HEXA: variants seen among roughly 807,000 people sequenced by gnomAD.
HEXA encodes hexosaminidase subunit alpha.
HEXA carries 54 observed loss-of-function variants against 73.3 expected under a neutral mutation model. The observed-to-expected ratio is 0.74, with a 90% CI of 0.59 to 0.92. The LOEUF (loss-of-function observed/expected upper bound fraction) is 0.92. HEXA is among the 40% of genes least tolerant of loss of function. The pLI is 0.00. For synonymous variants in HEXA, 230 were observed against 246.9 expected (o/e 0.93, Z 0.64); for missense variants, 649 against 653.0 (o/e 0.99, Z 0.07).
In HEXA at chr15:72,341,730, G is replaced by A. The variant is rs2088556813; in HGVS notation, c.*2347C>T. ...GGAACAGACTGGGTGGTAACTGCAG[G>A]CCACTGCAGTTGACCTGTTGGCATT... On this transcript the variant is annotated 3_prime_UTR_variant, in exon 14 of 14. Transcript: ENST00000268097. 6.6e-6 allele frequency: 1 copy of A among 152,136 alleles called. No homozygotes were observed. The highest frequency in any genetic ancestry group is 2.1e-4 in the South Asian group (1 of 4,832). 9.4% of individuals were successfully genotyped at this position (152,136 alleles called of 1,614,324 possible).
Position 72,366,938 on chromosome 15 carries a change from GT to G in HEXA, c.253+8781del, listed in dbSNP as rs575978880. On this transcript the variant is annotated intron_variant, in intron 1 of 13. Transcript: ENST00000268097. ...TACCTCTCAACCTCTTAATTTCACT[GT>G]TTTTTTTTTGTTTTGTTTTTTGAGA... Among the ~76,000 whole-genome samples, 18 of 147,498 alleles carry G rather than the reference GT, an allele frequency of 1.2e-4. No individual in the cohort carries two copies. In the East Asian group the frequency reaches 2.4e-3, roughly 19 times the overall value.
At position 72,356,470 on chromosome 15, in the gene HEXA, T is replaced by C. The variant is rs1381786408; in HGVS notation, c.346+55A>G. On this transcript the variant is annotated intron_variant, in intron 2 of 13. Coordinates refer to ENST00000268097, the MANE Select transcript of HEXA (RefSeq NM_000520.6). Reference sequence around the variant, plus strand: ...CAGTTTAGGCCAGGCCATCCAGAGTTACAGCTTCAGACAAGTGTTTGCTCT... The same window carrying C: ...CAGTTTAGGCCAGGCCATCCAGAGTCACAGCTTCAGACAAGTGTTTGCTCT... 2.5e-6 allele frequency: 4 copies of C among 1,601,646 alleles called. No homozygotes were observed. The African/African-American group carries it at 5.4e-5, about 21-fold the overall frequency.
chr15:72,347,334 A>C (rs191809305), intron 10 of HEXA, among the ~76,000 whole-genome samples: 32 of 150,996 alleles, frequency 2.1e-4, no homozygotes, highest in East Asian at 2.0e-3. Flanking sequence ...GTGCAGAGGC[A>C]CATCTTGGCT....
intron 1 of HEXA, among the ~76,000 whole-genome samples, chr15:72,369,466 T>C (rs1463826867): frequency 1.3e-5 from 2 of 152,190 alleles, no homozygotes; most frequent in Admixed American, 6.5e-5. Flanking sequence ...TCAGGACCAG[T>C]AGAAGAAATT....
intron 9 of HEXA, 60 bp downstream of exon 9, chr15:72,347,988 A>G (rs2088640186): frequency 8.2e-7 from 1 of 1,216,684 alleles, no homozygotes; most frequent in Non-Finnish European, 1.2e-6. Context: ...TCGGTATGGA[A>G]AGGGAGGACC....
Position 72,344,024 on chromosome 15 carries a change from C to T in HEXA, c.*53G>A. ...TCCCCTGGCCAGGATGCAGTGGAAG[C>T]CTGGCTCCACTACCATTCACCTACA... On this transcript the variant is annotated 3_prime_UTR_variant, in exon 14 of 14. Coordinates refer to ENST00000268097, the MANE Select transcript of HEXA (RefSeq NM_000520.6). 6.1e-6 allele frequency: 9 copies of T among 1,482,742 alleles called. No individual in the cohort carries two copies. The highest frequency in any genetic ancestry group is 8.5e-6 in the Non-Finnish European group (9 of 1,061,410). 91.8% of individuals were successfully genotyped at this position (1,482,742 alleles called of 1,614,324 possible). A position where few individuals can be genotyped will look rare whatever the true frequency, so the allele number is the denominator to read the frequency against.
At chr15:72,370,043 A>T (rs1444432388) in intron 1 of HEXA, 1 of 151,558 alleles carries the variant, frequency 6.6e-6, no homozygotes, top group Non-Finnish European at 1.5e-5. Flanking sequence ...CTGAAAAAAC[A>T]TTCATAACTA....
chr15:72,354,266 G>C (rs1181847495), intron 3 of HEXA: 1 of 165,942 alleles, frequency 6.0e-6, no homozygotes, highest in Non-Finnish European at 1.3e-5. Context: ...TTCCTCTTCA[G>C]AGTCTAAGAA....
At chr15:72,349,411 A>C (rs758983593) in intron 7 of HEXA, 152 bp from the exon 8 acceptor site, 21 of 704,172 alleles carry the variant, frequency 3.0e-5, no homozygotes, top group Non-Finnish European at 5.4e-5. Flanking sequence ...ACTCACAGAC[A>C]CTGGTAGTCA....
chr15:72,354,646 G>A (rs2088748683), intron 3 of HEXA: 1 of 152,346 alleles, frequency 6.6e-6, no homozygotes. Context: ...GCACCTGCAT[G>A]AAAGGTACAA....
At chr15:72,375,374 G>A (rs1260093835) in intron 1 of HEXA, among the ~76,000 whole-genome samples, 1 of 152,128 alleles carries the variant, frequency 6.6e-6, no homozygotes, top group Middle Eastern at 3.2e-3. Flanking sequence ...ATGTAACTTT[G>A]CATAGTTCTT....
In HEXA at chr15:72,343,990, G is replaced by C. The variant is rs2088578964; in HGVS notation, c.*87C>G. ...ACGCAGGCAAGGGGCACGAAGGCAA[G>C]GGGCTCCGTCCCCTGGCCAGGATGC... On this transcript the variant is annotated 3_prime_UTR_variant, in exon 14 of 14. Coordinates refer to ENST00000268097, the MANE Select transcript of HEXA (RefSeq NM_000520.6). The C allele has an allele frequency of 1.7e-6, 2 of 1,170,348 alleles. No homozygotes were observed. Among genetic ancestry groups the C allele is most frequent in the South Asian group, 1.2e-5 (1 of 81,388 alleles). 72.5% of individuals were successfully genotyped at this position (1,170,348 alleles called of 1,614,324 possible).
At chr15:72,350,458 C>T (rs2088679640) in intron 7 of HEXA, 60 bp downstream of exon 7, 3 of 1,587,618 alleles carry the variant, frequency 1.9e-6, no homozygotes, top group Non-Finnish European at 1.7e-6. Flanking sequence ...AGCCAGTGCC[C>T]TGAAGCTTCA....
At chr15:72,349,691 T>G (rs1313314190) in intron 7 of HEXA, among the ~76,000 whole-genome samples, 1 of 152,238 alleles carries the variant, frequency 6.6e-6, no homozygotes, top group Non-Finnish European at 1.5e-5. Flanking sequence ...TGCTAAGGGA[T>G]ATCTCCCTTG....
rs2140316788 is a variant in HEXA, at chr15:72,340,984, CAAAG to C, written c.*3089_*3092del. The C allele has an allele frequency of 6.6e-6, 1 of 151,810 alleles. No homozygotes were observed. Among genetic ancestry groups the C allele is most frequent in the African/African-American group, 2.4e-5 (1 of 41,408 alleles). The allele number at this position is 151,810 out of a possible 1,614,324, so 9.4% of individuals were successfully genotyped here. A position where few individuals can be genotyped will look rare whatever the true frequency, so the allele number is the denominator to read the frequency against. On this transcript the variant is annotated 3_prime_UTR_variant, in exon 14 of 14. Coordinates refer to ENST00000268097, the MANE Select transcript of HEXA (RefSeq NM_000520.6). ...TAAAGGAAATACAAATTTTGATAAA[CAAAG>C]CACCCAATTCCTACTTATTTTTTTT...
At chr15:72,375,399 C>T (rs1009250788) in intron 1 of HEXA, among the ~76,000 whole-genome samples, 3 of 152,140 alleles carry the variant, frequency 2.0e-5, no homozygotes, top group African/African-American at 7.2e-5. Flanking sequence ...TATGTCTCCC[C>T]AATTTTGAGT....
chr15:72,349,406 C>T (rs555421187), intron 7 of HEXA, 147 bp from the exon 8 acceptor site: 1 of 716,430 alleles, frequency 1.4e-6, no homozygotes, highest in Non-Finnish European at 2.5e-6. Context: ...TAGGCACTCA[C>T]AGACACTGGT....
chr15:72,364,324 C>T (rs1054715972), intron 1 of HEXA, among the ~76,000 whole-genome samples: 2 of 151,816 alleles, frequency 1.3e-5, no homozygotes, highest in African/African-American at 4.8e-5. Flanking sequence ...GATCCTAATA[C>T]TATTAGTTTG....
At chr15:72,345,698 G>C in intron 12 of HEXA, 148 bp from the exon 13 acceptor site, 1 of 1,356,660 alleles carries the variant, frequency 7.4e-7, no homozygotes, top group Admixed American at 2.0e-5. Context: ...CCACAGCCAG[G>C]TTGGATGGCT....
Sources: gnomAD v4.1 joint callset for allele counts (sites outside exome capture counted in the v4.1 genomes callset) on GRCh38, gnomAD v4.1.1 for gene constraint, MANE v1.5 for transcripts, NCBI Gene and HGNC (gene_info 2026-07-23, HGNC 2026-07-21) for gene names.